ZNF704: variants seen among roughly 807,000 people sequenced by gnomAD.
ZNF704 encodes zinc finger protein 704.
A neutral mutation model predicts 44.7 loss-of-function variants in ZNF704; 10 were observed. The ratio of observed to expected loss-of-function variants is 0.22; its 90% CI spans 0.14 to 0.38. The LOEUF is 0.38. ZNF704 is among the 10% of genes least tolerant of loss of function. The pLI is 1.00. For synonymous variants in ZNF704, 211 were observed against 207.6 expected, an observed-to-expected ratio of 1.02 and a Z score of -0.14; for missense variants, 390 against 545.5, an observed-to-expected ratio of 0.71 and a Z score of 2.84.
chr8:80,644,913 T>G, intron 7 of ZNF704: 1 of 949,754 alleles, frequency 1.1e-6, no homozygotes, highest in Non-Finnish European at 1.7e-6. Flanking sequence ...AGCTTGAGGC[T>G]GAAAAGCAGC....
At chr8:80,806,198 G>A (rs1024337933) in intron 2 of ZNF704, among the ~76,000 whole-genome samples, 1 of 152,168 alleles carries the variant, frequency 6.6e-6, no homozygotes, top group Non-Finnish European at 1.5e-5. Flanking sequence ...CTTTGAAAAT[G>A]TATTAAGTCC....
intron 7 of ZNF704, chr8:80,645,092 G>A: frequency 1.3e-6 from 2 of 1,569,470 alleles, no homozygotes; most frequent in Non-Finnish European, 1.8e-6. Flanking sequence ...GCTTGGCTAT[G>A]TCCTTGGGCA....
intron 2 of ZNF704, among the ~76,000 whole-genome samples, chr8:80,722,614 T>C (rs1354647442): frequency 6.6e-6 from 1 of 152,244 alleles, no homozygotes; most frequent in Non-Finnish European, 1.5e-5. Flanking sequence ...TTTTGTAGTG[T>C]TTGCAGCACC....
At chr8:80,825,363 CAAG>C (rs577637519) in intron 1 of ZNF704, among the ~76,000 whole-genome samples, 3,983 of 152,266 alleles carry the variant, frequency 0.026, 175 homozygotes, top group African/African-American at 0.09. Context: ...ATCAATTCAA[CAAG>C]AAGAGCTAAC....
At chr8:80,875,627 A>G (rs1809346329), upstream of ZNF704, among the ~76,000 whole-genome samples, 1 of 152,130 alleles carries the variant, frequency 6.6e-6, no homozygotes, top group Non-Finnish European at 1.5e-5. Flanking sequence ...CTTACATTCA[A>G]ATCATACCCC....
At chr8:80,647,382 G>GT (rs758024092) in intron 7 of ZNF704, among the ~76,000 whole-genome samples, 2 of 152,216 alleles carry the variant, frequency 1.3e-5, no homozygotes, top group Non-Finnish European at 2.9e-5. Context: ...GGAGACGGAA[G>GT]TATCAAGCTA....
intron 2 of ZNF704, among the ~76,000 whole-genome samples, chr8:80,704,569 C>T (rs768517594): frequency 6.6e-5 from 10 of 152,136 alleles, no homozygotes; most frequent in Non-Finnish European, 1.2e-4. Context: ...GTTGGACTTC[C>T]GGGCACCGAC....
chr8:80,852,046 G>A (rs895492257), intron 1 of ZNF704, among the ~76,000 whole-genome samples: 2 of 152,122 alleles, frequency 1.3e-5, no homozygotes, highest in Non-Finnish European at 2.9e-5. Context: ...GAATCTAGAG[G>A]GTAATCCCAC....
intron 2 of ZNF704, among the ~76,000 whole-genome samples, chr8:80,758,581 C>T (rs2131715701): frequency 6.6e-6 from 1 of 152,222 alleles, no homozygotes; most frequent in Middle Eastern, 3.4e-3. Flanking sequence ...AAGAAGAGGA[C>T]CATAATCGCT....
chr8:80,644,596 A>T (rs1434359394), intron 7 of ZNF704, among the ~76,000 whole-genome samples: 2 of 152,176 alleles, frequency 1.3e-5, no homozygotes, highest in African/African-American at 4.8e-5. Flanking sequence ...GAAAAAACAA[A>T]AACAGCAAGT....
At chr8:80,846,279 C>T (rs1360821149) in intron 1 of ZNF704, among the ~76,000 whole-genome samples, 1 of 152,060 alleles carries the variant, frequency 6.6e-6, no homozygotes, top group African/African-American at 2.4e-5. Flanking sequence ...TTTCCAGCAG[C>T]AACTATTCAT....
At chr8:80,810,370 G>A (rs1808062295) in intron 2 of ZNF704, among the ~76,000 whole-genome samples, 1 of 152,126 alleles carries the variant, frequency 6.6e-6, no homozygotes, top group African/African-American at 2.4e-5. Flanking sequence ...AACAGTTTAA[G>A]CAAGTAACAA....
chr8:80,660,353 T>C (rs1026140365), intron 6 of ZNF704, among the ~76,000 whole-genome samples: 3 of 151,848 alleles, frequency 2.0e-5, no homozygotes, highest in African/African-American at 7.2e-5. Context: ...GTATCTGTAG[T>C]TCTAGCTACT....
intron 1 of ZNF704, among the ~76,000 whole-genome samples, chr8:80,827,729 G>C (rs1808402367): frequency 6.6e-6 from 1 of 152,142 alleles, no homozygotes; most frequent in Non-Finnish European, 1.5e-5. Flanking sequence ...CAGAGATATA[G>C]ACCAATGGAA....
At chr8:80,791,372 G>C (rs549795723) in intron 2 of ZNF704, among the ~76,000 whole-genome samples, 5 of 152,338 alleles carry the variant, frequency 3.3e-5, no homozygotes, top group African/African-American at 1.2e-4. Flanking sequence ...CAGAAAGGGG[G>C]AAGGAGATTC....
At chr8:80,847,561 C>T (rs1808787722) in intron 1 of ZNF704, among the ~76,000 whole-genome samples, 2 of 152,118 alleles carry the variant, frequency 1.3e-5, no homozygotes, top group Non-Finnish European at 2.9e-5. Context: ...GTCACCCATC[C>T]CTAAGTTATG....
chr8:80,720,837 A>G (rs1182572403), intron 2 of ZNF704, among the ~76,000 whole-genome samples: 1 of 152,202 alleles, frequency 6.6e-6, no homozygotes, highest in African/African-American at 2.4e-5. Flanking sequence ...TAGTCTCACC[A>G]ATCTCAGTCA....
intron 2 of ZNF704, among the ~76,000 whole-genome samples, chr8:80,732,898 G>A (rs1806604912): frequency 1.4e-5 from 2 of 147,898 alleles, no homozygotes; most frequent in East Asian, 4.0e-4. Flanking sequence ...AGGTTGCAGT[G>A]AGCCAAGATT....
intron 2 of ZNF704, among the ~76,000 whole-genome samples, chr8:80,797,503 G>A (rs1807825939): frequency 6.6e-6 from 1 of 150,528 alleles, no homozygotes. Flanking sequence ...TCATATGTAT[G>A]CCTCCAAGGT....
Sources: gnomAD v4.1 joint callset for allele counts (sites outside exome capture counted in the v4.1 genomes callset) on GRCh38, gnomAD v4.1.1 for gene constraint, MANE v1.5 for transcripts, NCBI Gene and HGNC (gene_info 2026-07-23, HGNC 2026-07-21) for gene names.